TSHZ3: variants seen among roughly 807,000 people sequenced by gnomAD.
The protein encoded by TSHZ3 is teashirt zinc finger homeobox 3.
A neutral mutation model predicts 64.5 loss-of-function variants in TSHZ3; 10 were observed. The ratio of observed to expected loss-of-function variants is 0.16; its 90% CI spans 0.10 to 0.26. The LOEUF (loss-of-function observed/expected upper bound fraction) is 0.26. Ranked by LOEUF, TSHZ3 falls within the 10% of genes least tolerant of loss-of-function variation. TSHZ3 has a pLI of 1.00. For missense variants in TSHZ3, 1,242 were observed against 1,421.7 expected (o/e 0.87, Z 2.03); for synonymous variants, 608 against 593.1 (o/e 1.03, Z -0.36).
chr19:31,160,102 A>G (rs1974355592), intron 5 of TSHZ3, among the ~76,000 whole-genome samples: 1 of 152,180 alleles, frequency 6.6e-6, no homozygotes, highest in African/African-American at 2.4e-5. Flanking sequence ...GTGTTTAAAT[A>G]TCAGTTGGTT....
intron 1 of TSHZ3, among the ~76,000 whole-genome samples, chr19:31,315,038 G>A (rs1916562818): frequency 6.6e-6 from 1 of 152,210 alleles, no homozygotes; most frequent in Non-Finnish European, 1.5e-5. Context: ...ACCAGGGGTT[G>A]CTGCACTGGA....
intron 1 of TSHZ3, among the ~76,000 whole-genome samples, chr19:31,294,701 T>G (rs560530480): frequency 2.6e-5 from 4 of 152,210 alleles, no homozygotes; most frequent in Non-Finnish European, 5.9e-5. Flanking sequence ...TATTGACTGG[T>G]TGGCATCACA....
rs1160334453 is a variant in TSHZ3 at position 31,340,338 on chromosome 19, C to CAAAAAAAAAAA, written c.40+8831_40+8841dup. 7.4e-3 allele frequency among the ~76,000 whole-genome samples: 242 copies of CAAAAAAAAAAA among 32,752 alleles called. 54 individuals are homozygous for CAAAAAAAAAAA. Among genetic ancestry groups the CAAAAAAAAAAA allele is most frequent in the Middle Eastern group, 0.071 (1 of 14 alleles). 21.5% of individuals were successfully genotyped at this position (32,752 alleles called of 152,430 possible). On this transcript the variant is annotated intron_variant, in intron 1 of 1. Transcript: ENST00000240587. ...ATTAATTAGCAACAGGCCTACAGTACAAAAAAAAAAAAAAAAAAAAAAAAA... is the reference window on the plus strand; with the variant it reads ...ATTAATTAGCAACAGGCCTACAGTACAAAAAAAAAAAAAAAAAAAAAAAAAAAAAAAAAAAA...
chr19:31,329,735 G>GGA (rs1327686369), intron 1 of TSHZ3, among the ~76,000 whole-genome samples: 1 of 152,162 alleles, frequency 6.6e-6, no homozygotes, highest in African/African-American at 2.4e-5. Context: ...GGGTGTTTGT[G>GGA]GAGAGAGAGG....
chr19:31,258,110 C>G (rs542756955), intron 1 of TSHZ3, among the ~76,000 whole-genome samples: 1 of 152,284 alleles, frequency 6.6e-6, no homozygotes, highest in South Asian at 2.1e-4. Flanking sequence ...CAGGCTTATT[C>G]CCCTCTACCA....
intron 1 of TSHZ3, among the ~76,000 whole-genome samples, chr19:31,254,404 T>C (rs1365231849): frequency 6.6e-6 from 1 of 152,132 alleles, no homozygotes; most frequent in Non-Finnish European, 1.5e-5. Flanking sequence ...GAAACTGTGA[T>C]ATGCTGGGAA....
chr19:31,325,677 T>G (rs1356946910), intron 1 of TSHZ3, among the ~76,000 whole-genome samples: 2 of 152,206 alleles, frequency 1.3e-5, no homozygotes, highest in African/African-American at 4.8e-5. Context: ...CCTGTAGGAC[T>G]GCATCCCACA....
chr19:31,300,696 C>T (rs1392019736), intron 1 of TSHZ3, among the ~76,000 whole-genome samples: 2 of 152,112 alleles, frequency 1.3e-5, no homozygotes, highest in Non-Finnish European at 2.9e-5. Context: ...GTCAGGGCTG[C>T]TAAGTGGCTC....
chr19:31,295,730 C>T (rs527445657), intron 1 of TSHZ3, among the ~76,000 whole-genome samples: 41 of 151,972 alleles, frequency 2.7e-4, no homozygotes, highest in Non-Finnish European at 5.4e-4. Context: ...CACTTATATT[C>T]GTATGCTGGC....
At chr19:31,202,912 A>AGTGCCAGGAGATGGAGAT (rs1440414655) in intron 5 of TSHZ3, among the ~76,000 whole-genome samples, 2 of 152,246 alleles carry the variant, frequency 1.3e-5, no homozygotes, top group African/African-American at 2.4e-5. Context: ...TGTCAGGCAT[A>AGTGCCAGGAGATGGAGAT]GTGCCAGGAG....
chr19:31,151,782 T>C (rs1974242496), intron 6 of TSHZ3, among the ~76,000 whole-genome samples: 1 of 152,118 alleles, frequency 6.6e-6, no homozygotes, highest in Non-Finnish European at 1.5e-5. Flanking sequence ...AAAAATACAC[T>C]CGTGAAATTC....
intron 1 of TSHZ3, among the ~76,000 whole-genome samples, chr19:31,298,993 G>A (rs904817171): frequency 1.1e-4 from 16 of 152,272 alleles, no homozygotes; most frequent in Admixed American, 5.9e-4. Context: ...TTAGGAGTTC[G>A]AGTCCAGCCT....
intron 4 of TSHZ3, among the ~76,000 whole-genome samples, chr19:31,221,227 G>A (rs1181563810): frequency 6.6e-6 from 1 of 152,162 alleles, no homozygotes; most frequent in Non-Finnish European, 1.5e-5. Flanking sequence ...GAAAACTCAA[G>A]AAAAGGATGC....
intron 1 of TSHZ3, among the ~76,000 whole-genome samples, chr19:31,280,147 T>C (rs1976336694): frequency 1.3e-5 from 2 of 152,188 alleles, no homozygotes; most frequent in Admixed American, 1.3e-4. Flanking sequence ...ATATGTCTTA[T>C]GCTTCTCCTA....
chr19:31,172,971 G>C (rs10419200), intron 5 of TSHZ3, among the ~76,000 whole-genome samples: 115,654 of 152,158 alleles, frequency 0.76, 44,724 homozygotes, highest in African/African-American at 0.89. Flanking sequence ...GGGACAGAAG[G>C]TGATGGGGCT....
At chr19:31,247,822 G>C (rs1237215046) in intron 1 of TSHZ3, among the ~76,000 whole-genome samples, 1 of 151,678 alleles carries the variant, frequency 6.6e-6, no homozygotes, top group Non-Finnish European at 1.5e-5. Context: ...CAATGGTTCA[G>C]AAAAATTAAA....
intron 3 of TSHZ3, among the ~76,000 whole-genome samples, chr19:31,235,837 C>T (rs1439562592): frequency 6.6e-6 from 1 of 151,232 alleles, no homozygotes; most frequent in Non-Finnish European, 1.5e-5. Context: ...GCCTCAGCCT[C>T]CAAAGTATCT....
chr19:31,169,499 G>C (rs995676627), intron 5 of TSHZ3, among the ~76,000 whole-genome samples: 2 of 152,176 alleles, frequency 1.3e-5, no homozygotes, highest in East Asian at 3.9e-4. Flanking sequence ...TACTGGTACA[G>C]GGTTCCAGCT....
chr19:31,347,561 C>A (rs984608848), intron 1 of TSHZ3, among the ~76,000 whole-genome samples: 1 of 152,166 alleles, frequency 6.6e-6, no homozygotes, highest in Non-Finnish European at 1.5e-5. Context: ...GGTAGATAAG[C>A]TCATTGCTTG....
Sources: allele counts gnomAD v4.1 joint callset (sites outside exome capture counted in the v4.1 genomes callset), GRCh38; gene constraint gnomAD v4.1.1; transcripts MANE v1.5; gene names NCBI Gene and HGNC (gene_info 2026-07-23, HGNC 2026-07-21).